The following PISD variants were observed in gnomAD, a reference collection of about 807,000 sequenced individuals.
PISD encodes phosphatidylserine decarboxylase.
A neutral mutation model predicts 43.5 loss-of-function variants in PISD; 31 were observed. The ratio of observed to expected loss-of-function variants is 0.71; its 90% CI spans 0.54 to 0.96. The LOEUF (loss-of-function observed/expected upper bound fraction) is 0.96. Ranked by LOEUF, PISD falls within the 40% of genes least tolerant of loss-of-function variation. PISD has a pLI of 0.00. For missense variants in PISD, 523 were observed against 548.4 expected (o/e 0.95, Z 0.46); for synonymous variants, 259 against 228.7 (o/e 1.13, Z -1.20).
rs546814237 is a variant in PISD at position 31,662,212 on chromosome 22, G to T, written c.-4C>A. ...GGTGCCCCACGGACGTCGCCATCTTGTCTGCTCCTTCTCAGCGTGCCACGC... is the reference window on the plus strand; with the variant it reads ...GGTGCCCCACGGACGTCGCCATCTTTTCTGCTCCTTCTCAGCGTGCCACGC... On this transcript the variant is annotated 5_prime_UTR_variant, in exon 1 of 8. Transcript: ENST00000439502. 5.6e-6 allele frequency: 9 copies of T among 1,603,110 alleles called. No homozygotes were observed. Among genetic ancestry groups the T allele is most frequent in the Middle Eastern group, 3.3e-4 (2 of 6,060 alleles).
At chr22:31,623,767 A>G (rs2147639289) in intron 3 of PISD, 2 of 1,614,202 alleles carry the variant, frequency 1.2e-6, no homozygotes, top group Admixed American at 1.7e-5. Context: ...GTCAAGGGCC[A>G]GGAGCGCAGT....
At chr22:31,624,756 C>CGA (rs2072798330) in intron 3 of PISD, among the ~76,000 whole-genome samples, 1 of 120,388 alleles carries the variant, frequency 8.3e-6, no homozygotes, top group African/African-American at 3.2e-5. Flanking sequence ...CACACACACA[C>CGA]GAGACCCAAG....
In PISD at chr22:31,662,028, C is replaced by G. The variant is rs563242926; in HGVS notation, c.65+116G>C. The stretch of plus-strand genomic sequence containing the variant: ...CCTAAGCTCGAGGTGAAGGTGGCTC[C>G]GTCTCCACCCGAGCTCGCCTCAGAG... On this transcript the variant is annotated intron_variant, in intron 1 of 7. Coordinates refer to ENST00000439502, the MANE Select transcript of PISD (RefSeq NM_001326411.2). The G allele has an allele frequency of 1.3e-4, 119 of 900,018 alleles. 1 individual carries two copies. In the South Asian group the frequency reaches 1.6e-3, roughly 12 times the overall value. The allele number at this position is 900,018 out of a possible 1,614,324, so 55.8% of individuals were successfully genotyped here.
intron 3 of PISD, chr22:31,629,112 G>A (rs1441185564): frequency 4.1e-6 from 4 of 985,324 alleles, no homozygotes; most frequent in Admixed American, 6.2e-5. Context: ...ACCAACCAGG[G>A]TAAAGACCAC....
In PISD at chr22:31,621,350, G is replaced by A; in HGVS notation, c.681C>T (p.Asp227=). 1.2e-6 allele frequency: 2 copies of A among 1,614,082 alleles called. No individual in the cohort carries two copies. Among genetic ancestry groups the A allele is most frequent in the Non-Finnish European group, 1.7e-6 (2 of 1,180,012 alleles). Reference sequence around the variant, plus strand: ...GTGACCCACCTGGTGGGAAGGGCAGGTCCTCTGTGCACATACGCGGGCCCA... The same window carrying A: ...GTGACCCACCTGGTGGGAAGGGCAGATCCTCTGTGCACATACGCGGGCCCA... ...SFLGPRMCTE[D]LPFPPAASCD... is the part of the protein sequence containing the mutation. The change falls in exon 5 of 8, where the codon GAC becomes GAT. Residue 227 remains aspartate, a synonymous_variant. Coordinates refer to ENST00000439502, the MANE Select transcript of PISD (RefSeq NM_001326411.2).
intron 2 of PISD, among the ~76,000 whole-genome samples, chr22:31,648,836 G>C (rs1021710785): frequency 6.6e-6 from 1 of 152,036 alleles, no homozygotes; most frequent in Non-Finnish European, 1.5e-5. Context: ...AACTGCCACC[G>C]CAGTCACAAA....
At chr22:31,648,065 G>A in intron 3 of PISD, 36 bp downstream of exon 3, 1 of 1,561,682 alleles carries the variant, frequency 6.4e-7, no homozygotes, top group Non-Finnish European at 8.7e-7. Flanking sequence ...AAAGTTTGCT[G>A]GACGAGAACC....
intron 3 of PISD, among the ~76,000 whole-genome samples, chr22:31,627,067 A>G (rs2072946554): frequency 1.3e-5 from 2 of 152,382 alleles, no homozygotes; most frequent in South Asian, 2.1e-4. Flanking sequence ...CACACAGGTG[A>G]AGATTCCGCC....
At chr22:31,629,324 G>A (rs2073075924) in intron 3 of PISD, 1 of 564,584 alleles carries the variant, frequency 1.8e-6, no homozygotes. Context: ...GCGTGTATAG[G>A]TGCGAGGATG....
chr22:31,621,863 G>T lies in PISD; in HGVS notation c.344C>A (p.Pro115Gln). ...HWEVALYKSV[P>Q]TRLLSRAWGR... ...CCAGGCCCGTGACAGCAAGCGCGTT[G>T]GCACTGACTTGTACAAAGCCACCTG... The change falls in exon 4 of 8, where the codon CCA becomes CAA. Residue 115 changes from proline to glutamine, a missense_variant. Transcript: ENST00000439502. 1 of 1,609,682 alleles carries T rather than the reference G, an allele frequency of 6.2e-7. No individual in the cohort carries two copies. Among genetic ancestry groups the T allele is most frequent in the Non-Finnish European group, 8.5e-7 (1 of 1,179,982 alleles).
chr22:31,649,329 A>G (rs374545059), intron 2 of PISD, among the ~76,000 whole-genome samples: 11 of 152,306 alleles, frequency 7.2e-5, no homozygotes, highest in African/African-American at 2.4e-4. Flanking sequence ...TTATGCGTTA[A>G]ATTGCTGAAA....
chr22:31,651,129 A>G (rs2074019231), intron 1 of PISD, among the ~76,000 whole-genome samples: 1 of 151,966 alleles, frequency 6.6e-6, no homozygotes, highest in Non-Finnish European at 1.5e-5. Context: ...ACACCTGGCT[A>G]ACTTTAGTAT....
chr22:31,662,246 C>T, upstream of PISD: 2 of 1,590,230 alleles, frequency 1.3e-6, no homozygotes, highest in Non-Finnish European at 1.7e-6. Context: ...GCCCCCTTCA[C>T]ACGCTGGGCG....
intron 1 of PISD, among the ~76,000 whole-genome samples, chr22:31,653,086 A>G (rs1379521336): frequency 6.6e-6 from 1 of 151,472 alleles, no homozygotes; most frequent in Admixed American, 6.6e-5. Flanking sequence ...GCATAGCACT[A>G]TTGTAGCTAA....
chr22:31,656,390 T>C (rs1198197268), intron 1 of PISD, among the ~76,000 whole-genome samples: 3 of 150,878 alleles, frequency 2.0e-5, no homozygotes, highest in Admixed American at 6.6e-5. Flanking sequence ...CTGACGCCTA[T>C]GAGAACTCCC....
chr22:31,634,889 T>C (rs1311688749), intron 3 of PISD, among the ~76,000 whole-genome samples: 2 of 148,890 alleles, frequency 1.3e-5, no homozygotes, highest in Non-Finnish European at 3.0e-5. Context: ...CTTTTAGGCC[T>C]GGCACGGTGA....
chr22:31,656,602 T>A (rs1471726164), intron 1 of PISD, among the ~76,000 whole-genome samples: 1 of 149,344 alleles, frequency 6.7e-6, no homozygotes, highest in African/African-American at 2.5e-5. Context: ...GGAGCCGAGA[T>A]CGCACACTGC....
chr22:31,638,388 CAA>C (rs2073579880), intron 3 of PISD: 1 of 985,280 alleles, frequency 1.0e-6, no homozygotes, highest in African/African-American at 1.8e-5. Context: ...TAACTGCAAG[CAA>C]AAGTGTCCAC....
chr22:31,662,171 A>C lies in PISD; in HGVS notation c.38T>G (p.Leu13Arg), dbSNP rs755072493. The change falls in exon 1 of 8, where the codon CTG becomes CGG. Residue 13 changes from leucine (L) to arginine (R), a missense_variant. By Grantham distance (102) the Leu-to-Arg change is moderately radical (BLOSUM62 -2). Transcript: ENST00000439502. ...GCTCCGCCACGGCGCGACCCCGTGC[A>C]GTAATCCCAGACATCGGTGCCCCAC... ...TSVGHRCLGLLHGVAPWRSSL... is the reference protein window; with the variant it reads ...TSVGHRCLGLRHGVAPWRSSL... 1.2e-6 allele frequency: 2 copies of C among 1,606,762 alleles called. No individual in the cohort carries two copies. Among genetic ancestry groups the C allele is most frequent in the Non-Finnish European group, 1.7e-6 (2 of 1,179,814 alleles).
Sources: gnomAD v4.1 joint callset for allele counts (sites outside exome capture counted in the v4.1 genomes callset) on GRCh38, gnomAD v4.1.1 for gene constraint, MANE v1.5 for transcripts, NCBI Gene and HGNC (gene_info 2026-07-23, HGNC 2026-07-21) for gene names.